The following TMOD1 variants were observed in gnomAD, a reference collection of about 807,000 sequenced individuals.
TMOD1 encodes the protein tropomodulin-1.
In TMOD1, 17 loss-of-function variants were observed where a neutral mutation model predicts 40.6. The ratio of observed to expected loss-of-function variants is 0.42; its 90% confidence interval spans 0.29 to 0.63. TMOD1 has a LOEUF of 0.63. Ranked by LOEUF, TMOD1 falls within the 20% of genes least tolerant of loss-of-function variation. The probability of loss-of-function intolerance (pLI) is 0.22; values close to 1 mark genes in which losing one functional copy is unlikely to be tolerated. For missense variants in TMOD1, 391 were observed against 447.6 expected (o/e 0.87, Z 1.14); for synonymous variants, 181 against 175.0 (o/e 1.03, Z -0.27).
intron 1 of TMOD1, among the ~76,000 whole-genome samples, chr9:97,517,335 G>GA (rs1564229312): frequency 7.0e-6 from 1 of 143,850 alleles, no homozygotes; most frequent in African/African-American, 2.6e-5. Flanking sequence ...GGGTGATGGG[G>GA]GAAAAAAAAA....
chr9:97,566,816 T>C (rs1192320596), intron 7 of TMOD1, among the ~76,000 whole-genome samples: 3 of 151,972 alleles, frequency 2.0e-5, no homozygotes, highest in African/African-American at 7.2e-5. Flanking sequence ...AGCCATCAAC[T>C]CTTCTTTTTA....
At chr9:97,542,623 C>T (rs1830290781) in intron 2 of TMOD1, among the ~76,000 whole-genome samples, 1 of 152,036 alleles carries the variant, frequency 6.6e-6, no homozygotes, top group African/African-American at 2.4e-5. Context: ...GAGGCCGAGG[C>T]TGGTGGATCA....
rs537480850 is a variant in TMOD1, at chr9:97,543,888, T to TG, written c.121-2295dup. 6.0e-4 allele frequency among the ~76,000 whole-genome samples: 91 copies of TG among 152,348 alleles called. 1 individual carries two copies. The highest frequency in any genetic ancestry group is 9.2e-4 in the Admixed American group (14 of 15,300). On this transcript the variant is annotated intron_variant, in intron 2 of 9. Transcript: ENST00000259365. The stretch of plus-strand genomic sequence containing the variant: ...GCATCACCTGTCCTGCCTATCATGG[T>TG]GGACAATATCTGAGAACTGCTGCTT...
rs1452987227 is a variant in TMOD1, at chr9:97,513,670, G to C, written c.-48-10471G>C. 6.6e-6 allele frequency: 1 copy of C among 152,198 alleles called. No homozygotes were observed. The highest frequency in any genetic ancestry group is 1.5e-5 in the Non-Finnish European group (1 of 68,058). 9.4% of individuals were successfully genotyped at this position (152,198 alleles called of 1,614,324 possible). ...AAAGACCCAGCATGCCCTCCCCATAGTGGGTACCCAGTAAATACTCACCCA... is the reference window on the plus strand; with the variant it reads ...AAAGACCCAGCATGCCCTCCCCATACTGGGTACCCAGTAAATACTCACCCA... On this transcript the variant is annotated intron_variant, in intron 1 of 9. Transcript: ENST00000259365. This position sits in a 1 kb window ranked among gnomAD's most constrained non-coding sequence, Gnocchi z 4.1.
intron 4 of TMOD1, among the ~76,000 whole-genome samples, chr9:97,559,795 A>ATC (rs1554683020): frequency 0.01 from 111 of 11,092 alleles, 3 homozygotes; most frequent in East Asian, 0.027. Flanking sequence ...AAAAAAAAAA[A>ATC]TATATATATA....
In TMOD1 at chr9:97,557,896, C is replaced by T. The variant is rs1484464551; in HGVS notation, c.397+4496C>T. Among the ~76,000 whole-genome samples, 1 of 152,026 alleles carries T rather than the reference C, an allele frequency of 6.6e-6. No individual in the cohort carries two copies. Among genetic ancestry groups the T allele is most frequent in the Non-Finnish European group, 1.5e-5 (1 of 68,000 alleles). On this transcript the variant is annotated intron_variant, in intron 4 of 9. Coordinates refer to ENST00000259365, the MANE Select transcript of TMOD1 (RefSeq NM_003275.4). The surrounding 1 kb of genome is among the most constrained non-coding windows in gnomAD (Gnocchi z 4.4). ...AAAAAAAAAAAAAAATCAAGTTCCC[C>T]AGTGCTAAATTCAGCCTTGCCAATA...
At position 97,591,436 on chromosome 9, in the gene TMOD1, G is replaced by T; in HGVS notation, c.1015+1G>T. On this transcript the variant is annotated splice_donor_variant, in intron 9 of 9. Transcript: ENST00000259365. LOFTEE classifies it high-confidence loss of function. ...GCAATGATGAACAACAATGACCTTG[G>T]TGAGTAGAAATATGCTTCCTGCCCT... 1 of 1,613,934 alleles carries T rather than the reference G, an allele frequency of 6.2e-7. No individual in the cohort carries two copies. Among genetic ancestry groups the T allele is most frequent in the Non-Finnish European group, 8.5e-7 (1 of 1,179,952 alleles).
rs752063527 is a variant in TMOD1 at position 97,564,040 on chromosome 9, G to T, written c.490G>T (p.Val164Leu). ...CTCCCTTTCATCGGTCACTCTAGGC[G>T]TGATTAAACCCACACAATACAAGCC... ...SIMNKEGLNSVIKPTQYKPVP... is the reference protein window; with the variant it reads ...SIMNKEGLNSLIKPTQYKPVP... The change falls in exon 6 of 10, where the codon GTG becomes TTG. Residue 164 changes from valine to leucine, a missense_variant and splice_region_variant. Coordinates refer to ENST00000259365, the MANE Select transcript of TMOD1 (RefSeq NM_003275.4). The T allele has an allele frequency of 6.2e-7, 1 of 1,613,818 alleles. No homozygotes were observed. The highest frequency in any genetic ancestry group is 8.5e-7 in the Non-Finnish European group (1 of 1,179,920).
At chr9:97,553,753 G>A (rs1210100630) in intron 4 of TMOD1, among the ~76,000 whole-genome samples, 1 of 152,134 alleles carries the variant, frequency 6.6e-6, no homozygotes, top group African/African-American at 2.4e-5. Flanking sequence ...AACAGACAGA[G>A]GGCCTCTGGT....
intron 2 of TMOD1, among the ~76,000 whole-genome samples, chr9:97,531,878 A>G (rs1373368471): frequency 6.6e-6 from 1 of 152,182 alleles, no homozygotes; most frequent in African/African-American, 2.4e-5. Context: ...CCAAGCATCA[A>G]CAAAACCCTG....
At chr9:97,531,391 A>G (rs1251080871) in intron 2 of TMOD1, among the ~76,000 whole-genome samples, 3 of 152,054 alleles carry the variant, frequency 2.0e-5, no homozygotes, top group Admixed American at 2.0e-4. Flanking sequence ...CAGGCGGATC[A>G]CTTGAGGTCA....
chr9:97,532,396 C>G (rs1270688753), intron 2 of TMOD1, among the ~76,000 whole-genome samples: 2 of 152,164 alleles, frequency 1.3e-5, no homozygotes, highest in Non-Finnish European at 2.9e-5. Flanking sequence ...AAGGCTTGAC[C>G]TTTCCTCCCC....
In TMOD1 at chr9:97,568,906, A is replaced by T. The variant is rs1830775131; in HGVS notation, c.739A>T (p.Met247Leu). ...CTTGTGCTTCAAGGCCCTTGCTGAG[A>T]TGCTCAAGGAGAACAAGGTGTTGAA... ...NDPVAYALAE[M>L]LKENKVLKTL... The change falls in exon 8 of 10, where the codon ATG becomes TTG. Residue 247 changes from methionine to leucine, a missense_variant. Transcript: ENST00000259365. 9 of 1,613,978 alleles carry T rather than the reference A, an allele frequency of 5.6e-6. No individual in the cohort carries two copies. The highest frequency in any genetic ancestry group is 6.8e-6 in the Non-Finnish European group (8 of 1,179,992).
chr9:97,597,421 G>A (rs1282018809), intron 9 of TMOD1, among the ~76,000 whole-genome samples: 2 of 150,218 alleles, frequency 1.3e-5, no homozygotes, highest in Non-Finnish European at 1.5e-5. Context: ...CCAGGGGGCC[G>A]GGTGGGGTGG....
chr9:97,554,750 C>A (rs919182469), intron 4 of TMOD1, among the ~76,000 whole-genome samples: 11 of 152,154 alleles, frequency 7.2e-5, no homozygotes, highest in African/African-American at 2.2e-4. Context: ...TGGGAGGGCA[C>A]CAGCACCAGC....
At chr9:97,526,776 G>A (rs10982517) in intron 2 of TMOD1, among the ~76,000 whole-genome samples, 88,134 of 151,918 alleles carry the variant, frequency 0.58, 25,672 homozygotes, top group Middle Eastern at 0.71. Context: ...GGACCAAGCT[G>A]CCATCCTTCC....
chr9:97,534,408 C>T (rs1469467046), intron 2 of TMOD1, among the ~76,000 whole-genome samples: 2 of 152,208 alleles, frequency 1.3e-5, no homozygotes, highest in Non-Finnish European at 2.9e-5. Context: ...AGGTCTCACT[C>T]TCTAGCTTGG....
At chr9:97,564,708 G>T (rs992060277) in intron 6 of TMOD1, among the ~76,000 whole-genome samples, 2 of 152,188 alleles carry the variant, frequency 1.3e-5, no homozygotes, top group Non-Finnish European at 2.9e-5. Context: ...CCTTTTCTCT[G>T]TGCACATTTC....
At chr9:97,591,517 T>C in intron 9 of TMOD1, 82 bp downstream of exon 9, 4 of 1,497,972 alleles carry the variant, frequency 2.7e-6, no homozygotes, top group African/African-American at 1.4e-5. Context: ...GAAAATTCTG[T>C]AGATGCCTCT....
Sources: allele counts gnomAD v4.1 joint callset (sites outside exome capture counted in the v4.1 genomes callset), GRCh38; gene constraint gnomAD v4.1.1; non-coding constraint Gnocchi (gnomAD v3.1); transcripts MANE v1.5; gene names NCBI Gene and HGNC (gene_info 2026-07-23, HGNC 2026-07-21).